Variants in C11orf97 observed in about 807,000 individuals in gnomAD.
The protein encoded by C11orf97 is uncharacterized protein C11orf97.
In C11orf97, 15 loss-of-function variants were observed where a neutral mutation model predicts 16.2. The observed-to-expected ratio is 0.93, with a 90% CI of 0.62 to 1.43. The LOEUF is 1.43. C11orf97 is among the 40% of genes most tolerant of loss of function. The probability of loss-of-function intolerance (pLI) is 0.00; values close to 1 mark genes in which losing one functional copy is unlikely to be tolerated. For missense variants in C11orf97, 171 were observed against 161.2 expected, an observed-to-expected ratio of 1.06 and a Z score of -0.33; for synonymous variants, 61 against 65.7, an observed-to-expected ratio of 0.93 and a Z score of 0.34.
intron 2 of C11orf97, among the ~76,000 whole-genome samples, chr11:94,519,243 T>C (rs1338550039): frequency 1.3e-5 from 2 of 152,166 alleles, no homozygotes; most frequent in African/African-American, 2.4e-5. Flanking sequence ...TAGAAACTCC[T>C]TTGGGTCTTC....
In C11orf97 at chr11:94,532,050, A is replaced by G. The variant is rs1349134610; in HGVS notation, c.*150A>G. On this transcript the variant is annotated 3_prime_UTR_variant, in exon 4 of 4. Coordinates refer to ENST00000542198, the MANE Select transcript of C11orf97 (RefSeq NM_001190462.2). ...TATTGGTATTAATACCTATCTATAA[A>G]TTAATCCAAAGTAATGAAAGACTAT... 2.1e-6 allele frequency: 1 copy of G among 473,018 alleles called. No homozygotes were observed. Among genetic ancestry groups the G allele is most frequent in the Admixed American group, 4.3e-5 (1 of 23,110 alleles). The allele number at this position is 473,018 out of a possible 1,614,324, so 29.3% of individuals were successfully genotyped here.
At chr11:94,515,700 C>A (rs1362820190) in intron 1 of C11orf97, among the ~76,000 whole-genome samples, 1 of 151,506 alleles carries the variant, frequency 6.6e-6, no homozygotes, top group Non-Finnish European at 1.5e-5. Context: ...TCCTTCCTGG[C>A]CAAGTTTGTG....
chr11:94,515,147 G>A (rs1947601900), intron 1 of C11orf97, among the ~76,000 whole-genome samples: 1 of 152,160 alleles, frequency 6.6e-6, no homozygotes, highest in African/African-American at 2.4e-5. Flanking sequence ...TCAGGTAGGT[G>A]TGGCTTCTCA....
intron 2 of C11orf97, among the ~76,000 whole-genome samples, chr11:94,523,652 G>T (rs1947677087): frequency 6.6e-6 from 1 of 152,192 alleles, no homozygotes; most frequent in African/African-American, 2.4e-5. Flanking sequence ...TTGGCTGAAT[G>T]AAATTGGTAA....
chr11:94,513,674 C>G (rs931886254), intron 1 of C11orf97, among the ~76,000 whole-genome samples: 1 of 152,176 alleles, frequency 6.6e-6, no homozygotes, highest in African/African-American at 2.4e-5. Context: ...AAAGGGGCCT[C>G]TTCCCTGGGC....
rs144484901 is a variant in C11orf97 at position 94,531,211 on chromosome 11, G to A, written c.377-685G>A. Among the ~76,000 whole-genome samples, 97 of 152,180 alleles carry A rather than the reference G, an allele frequency of 6.4e-4. No homozygotes were observed. In the East Asian group the frequency reaches 0.017, roughly 26 times the overall value. ...TCCCAGCACTCTGGGAGGCCAAGGCGGGCAGATCACTTGAGGCCAGGAGTT... is the reference window on the plus strand; with the variant it reads ...TCCCAGCACTCTGGGAGGCCAAGGCAGGCAGATCACTTGAGGCCAGGAGTT... On this transcript the variant is annotated intron_variant, in intron 3 of 3. Coordinates refer to ENST00000542198, the MANE Select transcript of C11orf97 (RefSeq NM_001190462.2).
intron 1 of C11orf97, among the ~76,000 whole-genome samples, chr11:94,517,035 G>A (rs1236979735): frequency 1.3e-5 from 2 of 152,342 alleles, no homozygotes; most frequent in African/African-American, 2.4e-5. Context: ...GTCCTTGACT[G>A]TAGTAGTCAT....
intron 2 of C11orf97, among the ~76,000 whole-genome samples, chr11:94,525,069 GAA>G (rs534192532): frequency 4.3e-5 from 3 of 69,338 alleles, no homozygotes; most frequent in South Asian, 4.5e-4. Flanking sequence ...AAGAAAAAAA[GAA>G]AAAAAAAAAA....
At chr11:94,513,229 C>T (rs1947583814) in intron 1 of C11orf97, among the ~76,000 whole-genome samples, 1 of 152,152 alleles carries the variant, frequency 6.6e-6, no homozygotes, top group Admixed American at 6.5e-5. Flanking sequence ...TAATTATGGG[C>T]TACATTTTAA....
intron 2 of C11orf97, among the ~76,000 whole-genome samples, chr11:94,522,273 C>T (rs1172816334): frequency 1.3e-5 from 2 of 152,280 alleles, no homozygotes; most frequent in African/African-American, 2.4e-5. Context: ...TGGTGGCTCA[C>T]GCCTGTAATC....
At chr11:94,513,991 G>A (rs1267228970) in intron 1 of C11orf97, among the ~76,000 whole-genome samples, 1 of 152,072 alleles carries the variant, frequency 6.6e-6, no homozygotes, top group African/African-American at 2.4e-5. Context: ...CGCATTTTTA[G>A]TAGAGACAGG....
chr11:94,530,440 A>T (rs1012463461), intron 3 of C11orf97, among the ~76,000 whole-genome samples: 1 of 152,210 alleles, frequency 6.6e-6, no homozygotes, highest in Non-Finnish European at 1.5e-5. Flanking sequence ...CTCATTATCA[A>T]TGAAAAAGGA....
intron 2 of C11orf97, among the ~76,000 whole-genome samples, chr11:94,524,999 C>T (rs1947688704): frequency 6.7e-6 from 1 of 148,602 alleles, no homozygotes; most frequent in East Asian, 2.0e-4. Flanking sequence ...GCGAATGTTG[C>T]AGTGGGCCGA....
chr11:94,518,557 C>G (rs1395288203), intron 2 of C11orf97, among the ~76,000 whole-genome samples: 1 of 152,192 alleles, frequency 6.6e-6, no homozygotes, highest in Admixed American at 6.5e-5. Context: ...CGTAGAGGAT[C>G]TGAGCATTGA....
rs56304137 is a variant in C11orf97 at position 94,524,586 on chromosome 11, G to GAAAAAA, written c.251-3486_251-3481dup. Among the ~76,000 whole-genome samples the GAAAAAA allele has an allele frequency of 3.3e-4, 38 of 115,382 alleles. 3 individuals are homozygous for GAAAAAA. The highest frequency in any genetic ancestry group is 3.7e-4 in the African/African-American group (11 of 29,550). 75.7% of individuals were successfully genotyped at this position (115,382 alleles called of 152,430 possible). A position where few individuals can be genotyped will look rare whatever the true frequency, so the allele number is the denominator to read the frequency against. ...TACTTGAAAAGGTTAACCTCATCCT[G>GAAAAAA]AAAAAAAAAAAAAAAAAGGGAGTGT... On this transcript the variant is annotated intron_variant, in intron 2 of 3. Coordinates refer to ENST00000542198, the MANE Select transcript of C11orf97 (RefSeq NM_001190462.2).
intron 3 of C11orf97, among the ~76,000 whole-genome samples, chr11:94,531,548 A>AG (rs1206011513): frequency 4.6e-5 from 6 of 131,072 alleles, no homozygotes; most frequent in Non-Finnish European, 8.1e-5. Context: ...AAAAAAAAAA[A>AG]GCATTGTCTA....
At chr11:94,523,521 A>C (rs1947676090) in intron 2 of C11orf97, among the ~76,000 whole-genome samples, 1 of 152,208 alleles carries the variant, frequency 6.6e-6, no homozygotes, top group South Asian at 2.1e-4. Flanking sequence ...TAAGAGGGCG[A>C]TCTGTCCTGG....
intron 1 of C11orf97, among the ~76,000 whole-genome samples, chr11:94,515,508 TTC>T (rs906413951): frequency 6.6e-6 from 1 of 151,870 alleles, no homozygotes; most frequent in African/African-American, 2.4e-5. Flanking sequence ...AGAATTTTCT[TTC>T]TCTCTCTCTT....
rs1179530955 is a variant in C11orf97 at position 94,524,075 on chromosome 11, A to G, written c.251-4009A>G. On this transcript the variant is annotated intron_variant, in intron 2 of 3. Coordinates refer to ENST00000542198, the MANE Select transcript of C11orf97 (RefSeq NM_001190462.2). ...TTGAGAGGTAGGGATGTCTTTTTAT[A>G]TGATGATGTTGATGTTGGGAATTAT... is the stretch of plus-strand genomic sequence containing the variant. 2.0e-5 allele frequency among the ~76,000 whole-genome samples: 3 copies of G among 152,182 alleles called. No homozygotes were observed. The South Asian group carries it at 6.3e-4, about 32-fold the overall frequency.
Sources: allele counts gnomAD v4.1 joint callset (sites outside exome capture counted in the v4.1 genomes callset), GRCh38; gene constraint gnomAD v4.1.1; transcripts MANE v1.5; gene names NCBI Gene and HGNC (gene_info 2026-07-23, HGNC 2026-07-21).